Variants in LARGE1 observed in about 807,000 individuals in gnomAD.
The protein encoded by LARGE1 is LARGE xylosyl- and glucuronyltransferase 1, also known as xylosyl- and glucuronyltransferase LARGE1.
A neutral mutation model predicts 87.6 loss-of-function variants in LARGE1; 43 were observed. That is an observed-to-expected ratio of 0.49 (90% CI 0.38 to 0.63). LARGE1 has a LOEUF of 0.63. Ranked by LOEUF, LARGE1 falls within the 30% of genes least tolerant of loss-of-function variation. The probability of loss-of-function intolerance (pLI) is 0.00; values close to 1 mark genes in which losing one functional copy is unlikely to be tolerated. For missense variants in LARGE1, 802 were observed against 1,000.2 expected (o/e 0.80, Z 2.67); for synonymous variants, 434 against 394.6 (o/e 1.10, Z -1.18).
At chr22:33,240,290 A>G (rs1217236210) in intron 11 of LARGE1, among the ~76,000 whole-genome samples, 1 of 152,218 alleles carries the variant, frequency 6.6e-6, no homozygotes, top group Non-Finnish European at 1.5e-5. Flanking sequence ...AGCCTTTTTA[A>G]GTGACTTTTC....
intron 4 of LARGE1, among the ~76,000 whole-genome samples, chr22:33,618,148 A>G (rs2079634491): frequency 6.6e-6 from 1 of 152,250 alleles, no homozygotes; most frequent in African/African-American, 2.4e-5. Context: ...ATTTCAGAAA[A>G]TCACCGCAGC....
intron 1 of LARGE1, among the ~76,000 whole-genome samples, chr22:33,773,437 T>C (rs1439121228): frequency 6.6e-6 from 1 of 152,208 alleles, no homozygotes; most frequent in African/African-American, 2.4e-5. Flanking sequence ...CAGAGAAACA[T>C]GTACATTTGC....
At chr22:33,462,909 A>T (rs1236837671) in intron 6 of LARGE1, among the ~76,000 whole-genome samples, 1 of 152,250 alleles carries the variant, frequency 6.6e-6, no homozygotes, top group East Asian at 1.9e-4. Flanking sequence ...GAAGGAGGCG[A>T]TTAAACTTTC....
intron 6 of LARGE1, among the ~76,000 whole-genome samples, chr22:33,541,465 G>T (rs1411164700): frequency 6.6e-6 from 1 of 152,156 alleles, no homozygotes; most frequent in African/African-American, 2.4e-5. Flanking sequence ...CTGACTGTAG[G>T]TAGTAGAAAT....
chr22:33,897,106 GCTCCCTGGAGAGCTT>G (rs1373967542), intron 1 of LARGE1, among the ~76,000 whole-genome samples: 5 of 152,166 alleles, frequency 3.3e-5, no homozygotes, highest in Admixed American at 3.3e-4. Context: ...CCTTTGTGGA[GCTCCCTGGAGAGCTT>G]CTACCTCCCT....
intron 10 of LARGE1, among the ~76,000 whole-genome samples, chr22:33,334,660 A>C (rs559218517): frequency 1.3e-5 from 2 of 152,292 alleles, no homozygotes; most frequent in East Asian, 3.9e-4. Flanking sequence ...CATAGTGGTC[A>C]AGGGAGAGAG....
At position 33,917,263 on chromosome 22, in the gene LARGE1, G is replaced by A. The variant is rs1050626958; in HGVS notation, c.-83+2732C>T. ...TACCTTGCATCTTTCCTGTCTCCCCGCTACTCCCACCTCTGGGATCAGCTT... is the reference window on the plus strand; with the variant it reads ...TACCTTGCATCTTTCCTGTCTCCCCACTACTCCCACCTCTGGGATCAGCTT... On this transcript the variant is annotated intron_variant, in intron 1 of 14. Transcript: ENST00000397394. 4.6e-5 allele frequency among the ~76,000 whole-genome samples: 7 copies of A among 152,072 alleles called. No individual in the cohort carries two copies. In the East Asian group the frequency reaches 5.8e-4, roughly 13 times the overall value.
chr22:33,639,402 G>A (rs1186856451), intron 3 of LARGE1, among the ~76,000 whole-genome samples: 8 of 152,074 alleles, frequency 5.3e-5, no homozygotes, highest in African/African-American at 1.4e-4. Flanking sequence ...TAAAATAACT[G>A]GTGCTGTTTC....
At chr22:33,875,442 G>A (rs1256783262) in intron 1 of LARGE1, among the ~76,000 whole-genome samples, 1 of 152,200 alleles carries the variant, frequency 6.6e-6, no homozygotes, top group Non-Finnish European at 1.5e-5. Flanking sequence ...GGGGGCAGAG[G>A]GCTGTGCCAC....
intron 2 of LARGE1, among the ~76,000 whole-genome samples, chr22:33,674,106 G>C (rs903370359): frequency 6.6e-6 from 1 of 151,436 alleles, no homozygotes; most frequent in African/African-American, 2.4e-5. Flanking sequence ...ACTGCACCCC[G>C]CTAATTTTTT....
intron 11 of LARGE1, among the ~76,000 whole-genome samples, chr22:33,315,761 C>G (rs1045936248): frequency 5.3e-5 from 8 of 152,132 alleles, no homozygotes; most frequent in Admixed American, 3.9e-4. Context: ...TCCCCAGTAG[C>G]TGGGATTACA....
At chr22:33,876,326 CA>C (rs1325601841) in intron 1 of LARGE1, among the ~76,000 whole-genome samples, 2 of 151,692 alleles carry the variant, frequency 1.3e-5, no homozygotes, top group Non-Finnish European at 2.9e-5. Flanking sequence ...TATGGAGTCA[CA>C]AATCAGGAGA....
At chr22:33,304,646 T>G in intron 11 of LARGE1, 139 bp from the exon 12 acceptor site, 1 of 888,014 alleles carries the variant, frequency 1.1e-6, no homozygotes, top group Non-Finnish European at 1.7e-6. Flanking sequence ...GTTGACTCAC[T>G]CAGTTCCTTT....
chr22:33,565,209 G>A (rs1461196725), intron 5 of LARGE1, among the ~76,000 whole-genome samples, 190 bp from the exon 6 acceptor site: 1 of 152,138 alleles, frequency 6.6e-6, no homozygotes. Flanking sequence ...TTTTCTGGAG[G>A]AAAATGTATC....
chr22:33,352,889 T>C (rs1601557706), intron 9 of LARGE1, among the ~76,000 whole-genome samples: 1 of 152,210 alleles, frequency 6.6e-6, no homozygotes, highest in East Asian at 1.9e-4. Flanking sequence ...AAGTTTATAA[T>C]TAAAAAAGGG....
chr22:33,578,116 C>T (rs541710619), intron 5 of LARGE1, among the ~76,000 whole-genome samples: 107 of 152,292 alleles, frequency 7.0e-4, no homozygotes, highest in African/African-American at 2.5e-3. Flanking sequence ...CACCTCCCCC[C>T]GCCAACAACA....
At chr22:33,310,849 T>C (rs1935496041) in intron 11 of LARGE1, among the ~76,000 whole-genome samples, 1 of 152,170 alleles carries the variant, frequency 6.6e-6, no homozygotes, top group African/African-American at 2.4e-5. Flanking sequence ...CTGATGGTGA[T>C]ACATGTCACA....
Position 33,489,425 on chromosome 22 carries a change from G to A in LARGE1, c.788-57160C>T, listed in dbSNP as rs142993157. Reference sequence around the variant, plus strand: ...GAGGACAATGATATGGTCTGGCTGTGTCCCCATCCAAATCTCATCTTGAAT... The same window carrying A: ...GAGGACAATGATATGGTCTGGCTGTATCCCCATCCAAATCTCATCTTGAAT... On this transcript the variant is annotated intron_variant, in intron 6 of 14. Coordinates refer to ENST00000397394, the MANE Select transcript of LARGE1 (RefSeq NM_133642.5). 2.9e-3 allele frequency among the ~76,000 whole-genome samples: 447 copies of A among 152,274 alleles called. 2 individuals carry two copies. Among genetic ancestry groups the A allele is most frequent in the Middle Eastern group, 0.024 (7 of 292 alleles).
intron 1 of LARGE1, among the ~76,000 whole-genome samples, chr22:33,912,169 A>T (rs1349742968): frequency 2.6e-5 from 4 of 152,212 alleles, no homozygotes; most frequent in Non-Finnish European, 1.5e-5. Flanking sequence ...CTCTTAAACA[A>T]ACAGTGTTGG....
Sources: gnomAD v4.1 joint callset for allele counts (sites outside exome capture counted in the v4.1 genomes callset) on GRCh38, gnomAD v4.1.1 for gene constraint, MANE v1.5 for transcripts, NCBI Gene and HGNC (gene_info 2026-07-23, HGNC 2026-07-21) for gene names.